Variants in MAP3K20 observed in about 807,000 individuals in gnomAD.
The protein encoded by MAP3K20 is mitogen-activated protein kinase kinase kinase 20.
In MAP3K20, 40 loss-of-function variants were observed where a neutral mutation model predicts 85.7. The ratio of observed to expected loss-of-function variants is 0.47; its 90% confidence interval spans 0.36 to 0.61. The LOEUF is 0.61. Among genes scored for constraint, MAP3K20 ranks in the 20% least tolerant of loss-of-function variants. MAP3K20 has a pLI of 0.00. For missense variants in MAP3K20, 817 were observed against 961.7 expected (o/e 0.85, Z 1.99); for synonymous variants, 325 against 327.7 (o/e 0.99, Z 0.09).
rs921689822 is a variant in MAP3K20, at chr2:173,118,480, G to A, written c.159+27290G>A. Among the ~76,000 whole-genome samples the A allele has an allele frequency of 5.9e-5, 9 of 152,046 alleles. 1 individual carries two copies. Among genetic ancestry groups the A allele is most frequent in the Admixed American group, 5.2e-4 (8 of 15,264 alleles). On this transcript the variant is annotated intron_variant, in intron 2 of 19. Transcript: ENST00000375213. ...ATTCTATGTTTTGGTTTTTTGAGGG[G>A]GGTGACTGTGCATCTAATTTTGATG...
chr2:173,216,999 G>A, intron 10 of MAP3K20, 116 bp from the exon 11 acceptor site: 1 of 1,055,774 alleles, frequency 9.5e-7, no homozygotes, highest in Non-Finnish European at 1.3e-6. Context: ...CAGTTACCTG[G>A]TTGATTTTAA....
intron 10 of MAP3K20, among the ~76,000 whole-genome samples, chr2:173,212,989 A>G (rs1001912562): frequency 6.6e-5 from 10 of 152,170 alleles, no homozygotes; most frequent in Admixed American, 5.2e-4. Flanking sequence ...CACAGATCTG[A>G]TAAATGATTT....
intron 1 of MAP3K20, among the ~76,000 whole-genome samples, chr2:173,078,994 T>A (rs951375721): frequency 1.3e-5 from 2 of 152,162 alleles, no homozygotes; most frequent in Admixed American, 6.5e-5. Context: ...AGTACCTGCT[T>A]CCTAAGGATA....
rs758777745 is a variant in MAP3K20 at position 173,191,796 on chromosome 2, T to A, written c.582+619T>A. Among the ~76,000 whole-genome samples the A allele has an allele frequency of 1.8e-4, 27 of 152,228 alleles. 1 individual carries two copies. Among genetic ancestry groups the A allele is most frequent in the Middle Eastern group, 6.8e-3 (2 of 294 alleles). On this transcript the variant is annotated intron_variant, in intron 7 of 19. Coordinates refer to ENST00000375213, the MANE Select transcript of MAP3K20 (RefSeq NM_016653.3). ...CAGCAGAGCCACATAGAGAATAGAC[T>A]AATGAGGGGGTGGAGTGCTCAAGGA...
chr2:173,165,196 A>T (rs931538247), intron 2 of MAP3K20, among the ~76,000 whole-genome samples: 3 of 151,910 alleles, frequency 2.0e-5, no homozygotes, highest in Non-Finnish European at 2.9e-5. Flanking sequence ...ATCATCTGAG[A>T]TCAGGAGTTC....
intron 2 of MAP3K20, among the ~76,000 whole-genome samples, chr2:173,157,756 G>T (rs1689520342): frequency 6.6e-6 from 1 of 152,184 alleles, no homozygotes; most frequent in Non-Finnish European, 1.5e-5. Context: ...GTTGATGCTG[G>T]TTGGCCTGAT....
At chr2:173,187,935 G>A (rs866713345) in intron 5 of MAP3K20, among the ~76,000 whole-genome samples, 65 of 152,118 alleles carry the variant, frequency 4.3e-4, no homozygotes, top group African/African-American at 1.5e-3. Context: ...TATTTCCCTA[G>A]AATCATTTTC....
intron 2 of MAP3K20, among the ~76,000 whole-genome samples, chr2:173,120,243 G>A (rs1273600312): frequency 6.6e-6 from 1 of 151,870 alleles, no homozygotes; most frequent in Non-Finnish European, 1.5e-5. Context: ...CTGGCTGGTC[G>A]GCTTTACCTG....
chr2:173,101,921 C>T (rs1330233085), intron 2 of MAP3K20, among the ~76,000 whole-genome samples: 3 of 152,196 alleles, frequency 2.0e-5, no homozygotes, highest in East Asian at 3.8e-4. Flanking sequence ...TGTTTGAACA[C>T]TGCCATTGAT....
chr2:173,163,459 G>A (rs569698150), intron 2 of MAP3K20, among the ~76,000 whole-genome samples: 1 of 152,240 alleles, frequency 6.6e-6, no homozygotes, highest in South Asian at 2.1e-4. Context: ...ACATAATCTT[G>A]TTCTTTTTTA....
intron 3 of MAP3K20, among the ~76,000 whole-genome samples, chr2:173,177,860 C>A (rs1690208021): frequency 8.2e-6 from 1 of 121,626 alleles, no homozygotes; most frequent in South Asian, 3.1e-4. Context: ...TAGCTTTCAA[C>A]ACCTATATCA....
At chr2:173,243,309 G>A (rs1389893682) in intron 16 of MAP3K20, among the ~76,000 whole-genome samples, 1 of 152,176 alleles carries the variant, frequency 6.6e-6, no homozygotes, top group Non-Finnish European at 1.5e-5. Flanking sequence ...TGTTGCTTAA[G>A]CTAAAATGTT....
At chr2:173,203,421 A>G in intron 8 of MAP3K20, among the ~76,000 whole-genome samples, 1 of 152,226 alleles carries the variant, frequency 6.6e-6, no homozygotes, top group East Asian at 1.9e-4. Context: ...GTTTCTAGTT[A>G]CCTGGCCTAT....
At position 173,247,716 on chromosome 2, in the gene MAP3K20, CTAATAAA is replaced by C. The variant is rs548735434; in HGVS notation, c.1359+8224_1359+8230del. On this transcript the variant is annotated intron_variant, in intron 16 of 19. Coordinates refer to ENST00000375213, the MANE Select transcript of MAP3K20 (RefSeq NM_016653.3). ...TTAAGCATTCTTATAAAAATAATAA[CTAATAAA>C]TAAGAGGGCAGGAGGAAACTTTTGG... 1.1e-3 allele frequency among the ~76,000 whole-genome samples: 169 copies of C among 152,168 alleles called. 2 individuals carry two copies. The highest frequency in any genetic ancestry group is 3.9e-3 in the African/African-American group (160 of 41,506).
Position 173,106,425 on chromosome 2 carries a change from G to C in MAP3K20, c.159+15235G>C, listed in dbSNP as rs542461496. On this transcript the variant is annotated intron_variant, in intron 2 of 19. Transcript: ENST00000375213. The stretch of plus-strand genomic sequence containing the variant: ...GATTTTTGACAAAGATGCCAAGGCA[G>C]TTAAGTGAGGAAAAGGGTAACCTTT... Among the ~76,000 whole-genome samples, 5 of 152,334 alleles carry C rather than the reference G, an allele frequency of 3.3e-5. No individual in the cohort carries two copies. In the East Asian group the frequency reaches 9.6e-4, roughly 29 times the overall value.
chr2:173,103,658 G>A (rs964613376), intron 2 of MAP3K20, among the ~76,000 whole-genome samples: 1 of 152,084 alleles, frequency 6.6e-6, no homozygotes, highest in East Asian at 1.9e-4. Context: ...TAAGCACTTC[G>A]CATAGATTCT....
chr2:173,085,148 G>C (rs1687111645), intron 1 of MAP3K20, among the ~76,000 whole-genome samples: 1 of 152,200 alleles, frequency 6.6e-6, no homozygotes, highest in South Asian at 2.1e-4. Flanking sequence ...GTTACCGAGA[G>C]GTGGAGGGAG....
chr2:173,101,973 T>C (rs751467508), intron 2 of MAP3K20, among the ~76,000 whole-genome samples: 5 of 152,198 alleles, frequency 3.3e-5, no homozygotes, highest in Non-Finnish European at 5.9e-5. Context: ...AACAGCTTCT[T>C]AGAAAGTCCT....
At chr2:173,155,865 A>C (rs981180262) in intron 2 of MAP3K20, among the ~76,000 whole-genome samples, 1 of 152,214 alleles carries the variant, frequency 6.6e-6, no homozygotes, top group Non-Finnish European at 1.5e-5. Context: ...CTGCTTACAC[A>C]GTAATATTCT....
Sources: gnomAD v4.1 joint callset for allele counts (sites outside exome capture counted in the v4.1 genomes callset) on GRCh38, gnomAD v4.1.1 for gene constraint, MANE v1.5 for transcripts, NCBI Gene and HGNC (gene_info 2026-07-23, HGNC 2026-07-21) for gene names.